The following DIAPH3 variants were observed in gnomAD, a reference collection of about 807,000 sequenced individuals.
DIAPH3 encodes protein diaphanous homolog 3.
DIAPH3 carries 117 observed loss-of-function variants against 144.3 expected under a neutral mutation model. The ratio of observed to expected loss-of-function variants is 0.81; its 90% CI spans 0.70 to 0.95. DIAPH3 has a LOEUF of 0.95. DIAPH3 is among the 40% of genes least tolerant of loss of function. DIAPH3 has a pLI of 0.00. For synonymous variants in DIAPH3, 519 were observed against 488.9 expected (o/e 1.06, Z -0.81); for missense variants, 1,421 against 1,412.7 (o/e 1.01, Z -0.09).
intron 2 of DIAPH3, among the ~76,000 whole-genome samples, chr13:60,124,933 T>G (rs887858471): frequency 6.6e-6 from 1 of 152,184 alleles, no homozygotes; most frequent in African/African-American, 2.4e-5. Context: ...TATAATGCTT[T>G]TGATAAAGAT....
At chr13:60,087,998 T>A (rs2057803921) in intron 4 of DIAPH3, among the ~76,000 whole-genome samples, 1 of 152,120 alleles carries the variant, frequency 6.6e-6, no homozygotes, top group Non-Finnish European at 1.5e-5. Context: ...GGCTTTTAAT[T>A]AGAAGTACAA....
intron 17 of DIAPH3, among the ~76,000 whole-genome samples, chr13:59,943,838 T>C (rs2048666111): frequency 1.3e-5 from 2 of 152,186 alleles, no homozygotes; most frequent in African/African-American, 4.8e-5. Context: ...AAGGCTTTGA[T>C]TGGCCTCAAT....
chr13:59,874,822 T>C (rs377174823), intron 21 of DIAPH3, among the ~76,000 whole-genome samples: 1 of 152,212 alleles, frequency 6.6e-6, no homozygotes, highest in East Asian at 1.9e-4. Flanking sequence ...ATTCAATCAA[T>C]CACCTGGAAC....
intron 27 of DIAPH3, among the ~76,000 whole-genome samples, chr13:59,732,300 C>A (rs2035927831): frequency 6.6e-6 from 1 of 151,636 alleles, no homozygotes; most frequent in African/African-American, 2.4e-5. Flanking sequence ...CCCTTAATAC[C>A]AACTTAAAAC....
chr13:59,832,523 C>T (rs905149166), intron 24 of DIAPH3, among the ~76,000 whole-genome samples: 1 of 151,828 alleles, frequency 6.6e-6, no homozygotes, highest in Non-Finnish European at 1.5e-5. Flanking sequence ...TGCCTTCTCA[C>T]TTTAATATGT....
chr13:60,087,946 A>G (rs1177301161), intron 4 of DIAPH3, among the ~76,000 whole-genome samples: 1 of 152,180 alleles, frequency 6.6e-6, no homozygotes, highest in East Asian at 1.9e-4. Context: ...GGAGGTGAGG[A>G]GTCTATCACA....
chr13:60,055,938 T>A (rs1178474770), intron 4 of DIAPH3, among the ~76,000 whole-genome samples: 1 of 151,782 alleles, frequency 6.6e-6, no homozygotes, highest in African/African-American at 2.4e-5. Flanking sequence ...TTTTTTAGTA[T>A]AGTCCTCCTT....
chr13:60,073,867 C>T (rs1332881913), intron 4 of DIAPH3, among the ~76,000 whole-genome samples: 1 of 152,168 alleles, frequency 6.6e-6, no homozygotes, highest in Non-Finnish European at 1.5e-5. Context: ...ATTAGCTCTG[C>T]TGATTTGTTT....
chr13:60,117,986 T>C (rs2058741888), intron 2 of DIAPH3, among the ~76,000 whole-genome samples: 1 of 152,170 alleles, frequency 6.6e-6, no homozygotes, highest in South Asian at 2.1e-4. Context: ...TTTGCCTTTG[T>C]TGAAGAATTA....
intron 27 of DIAPH3, among the ~76,000 whole-genome samples, chr13:59,728,591 C>A (rs921196278): frequency 4.0e-5 from 6 of 151,500 alleles, no homozygotes; most frequent in African/African-American, 1.5e-4. Context: ...AATGTATTAC[C>A]TATTAAAAAT....
At chr13:59,742,970 G>T (rs1041949545) in intron 27 of DIAPH3, among the ~76,000 whole-genome samples, 1 of 152,148 alleles carries the variant, frequency 6.6e-6, no homozygotes, top group Non-Finnish European at 1.5e-5. Flanking sequence ...GAAGGTGAAA[G>T]AATTGTACAG....
At chr13:59,802,676 T>TTTTA (rs2039994422) in intron 25 of DIAPH3, among the ~76,000 whole-genome samples, 2 of 64,090 alleles carry the variant, frequency 3.1e-5, no homozygotes, top group South Asian at 6.4e-4. Flanking sequence ...TATTTTTTTT[T>TTTTA]TTTTTTTTTT....
At chr13:59,720,696 TAA>T (rs2035300199) in intron 27 of DIAPH3, among the ~76,000 whole-genome samples, 1 of 152,024 alleles carries the variant, frequency 6.6e-6, no homozygotes, top group African/African-American at 2.4e-5. Context: ...CAGTTATCTA[TAA>T]AACTGAATAT....
intron 17 of DIAPH3, among the ~76,000 whole-genome samples, chr13:59,968,959 C>T (rs1310902412): frequency 6.6e-6 from 1 of 152,116 alleles, no homozygotes; most frequent in African/African-American, 2.4e-5. Flanking sequence ...GCCACCTCTT[C>T]CTTTGTTCTA....
At chr13:59,704,057 T>G (rs569813145) in intron 27 of DIAPH3, among the ~76,000 whole-genome samples, 3 of 152,234 alleles carry the variant, frequency 2.0e-5, no homozygotes, top group Non-Finnish European at 4.4e-5. Context: ...TTCGACTGAT[T>G]GTCTGGCAGG....
intron 24 of DIAPH3, among the ~76,000 whole-genome samples, chr13:59,814,128 G>T (rs1011249064): frequency 2.0e-5 from 3 of 151,998 alleles, no homozygotes; most frequent in Non-Finnish European, 4.4e-5. Context: ...GTCTAATTAA[G>T]GTATAACATT....
intron 2 of DIAPH3, among the ~76,000 whole-genome samples, chr13:60,114,465 C>T (rs1029812093): frequency 6.6e-6 from 1 of 151,986 alleles, no homozygotes; most frequent in Non-Finnish European, 1.5e-5. Flanking sequence ...ATCTGTGATA[C>T]ACATCAAATG....
intron 5 of DIAPH3, among the ~76,000 whole-genome samples, chr13:60,020,326 A>G (rs980237702): frequency 6.6e-6 from 1 of 152,136 alleles, no homozygotes; most frequent in African/African-American, 2.4e-5. Flanking sequence ...CAAGCTAGAA[A>G]CTTCAATTGC....
chr13:59,927,108 T>C (rs1169945455), intron 17 of DIAPH3, among the ~76,000 whole-genome samples: 3 of 152,210 alleles, frequency 2.0e-5, no homozygotes, highest in Non-Finnish European at 4.4e-5. Flanking sequence ...TTTGACAAAG[T>C]CTGTTTTGAC....
Sources: allele counts gnomAD v4.1 joint callset (sites outside exome capture counted in the v4.1 genomes callset), GRCh38; gene constraint gnomAD v4.1.1; transcripts MANE v1.5; gene names NCBI Gene and HGNC (gene_info 2026-07-23, HGNC 2026-07-21).